Variants in CELF6 observed in about 807,000 individuals in gnomAD.
The protein encoded by CELF6 is CUGBP Elav-like family member 6.
Under a neutral mutation model 53.1 loss-of-function variants are expected in CELF6, and 32 were observed. The observed-to-expected ratio is 0.60, with a 90% CI of 0.46 to 0.81. The LOEUF is 0.81. Ranked by LOEUF, CELF6 falls within the 30% of genes least tolerant of loss-of-function variation. The pLI, the probability that CELF6 is intolerant of heterozygous loss-of-function variation, is 0.00. For missense variants in CELF6, 539 were observed against 669.5 expected, an observed-to-expected ratio of 0.81 and a Z score of 2.15; for synonymous variants, 291 against 288.8, an observed-to-expected ratio of 1.01 and a Z score of -0.08.
chr15:72,300,876 T>C (rs2141195517), intron 3 of CELF6, among the ~76,000 whole-genome samples: 1 of 152,222 alleles, frequency 6.6e-6, no homozygotes, highest in South Asian at 2.1e-4. Flanking sequence ...AATGTAATCC[T>C]GCTTTATGGC....
At chr15:72,293,426 T>C (rs548042856) in intron 3 of CELF6, among the ~76,000 whole-genome samples, 26 of 152,324 alleles carry the variant, frequency 1.7e-4, no homozygotes, top group Admixed American at 1.5e-3. Context: ...TTCAGTTTCC[T>C]CTAGATCAAA....
At chr15:72,300,464 T>A (rs984618491) in intron 3 of CELF6, among the ~76,000 whole-genome samples, 3 of 152,182 alleles carry the variant, frequency 2.0e-5, no homozygotes, top group Non-Finnish European at 4.4e-5. Flanking sequence ...AACCTCATGT[T>A]TATTGATTAA....
chr15:72,303,981 C>G (rs1396406058), intron 3 of CELF6, among the ~76,000 whole-genome samples: 1 of 152,128 alleles, frequency 6.6e-6, no homozygotes, highest in Non-Finnish European at 1.5e-5. Context: ...CCTCAGCCTC[C>G]CTGCCTCAGC....
rs1241090381 is a variant in CELF6, at chr15:72,284,777, C to G, written c.*1594G>C. On this transcript the variant is annotated 3_prime_UTR_variant, in exon 13 of 13. Coordinates refer to ENST00000287202, the MANE Select transcript of CELF6 (RefSeq NM_052840.5). ...AAACTGTTATGAAGGAGGAGCCCTC[C>G]ACCCCCACCCCCACATCTTTTACTA... The G allele has an allele frequency of 6.6e-6, 1 of 152,636 alleles. No homozygotes were observed. Among genetic ancestry groups the G allele is most frequent in the African/African-American group, 2.4e-5 (1 of 41,460 alleles). 9.5% of individuals were successfully genotyped at this position (152,636 alleles called of 1,614,324 possible). A position where few individuals can be genotyped will look rare whatever the true frequency, so the allele number is the denominator to read the frequency against.
At chr15:72,292,168 C>T (rs1402175601) in intron 3 of CELF6, 1 of 1,498,964 alleles carries the variant, frequency 6.7e-7, no homozygotes, top group Non-Finnish European at 9.0e-7. Flanking sequence ...CCTAGAGGGG[C>T]TCCAAGGAAA....
In CELF6 at chr15:72,315,937, A is replaced by T; in HGVS notation, c.263-10T>A. ...GTGAGGAAGGCACAGCCTGAGGAGG[A>T]AGAGGCTGGCTCAGGGGGTTTCCTG... On this transcript the variant is annotated splice_polypyrimidine_tract_variant and intron_variant, in intron 1 of 12. Coordinates refer to ENST00000287202, the MANE Select transcript of CELF6 (RefSeq NM_052840.5). 1 of 1,596,358 alleles carries T rather than the reference A, an allele frequency of 6.3e-7. No individual in the cohort carries two copies. Among genetic ancestry groups the T allele is most frequent in the Non-Finnish European group, 8.5e-7 (1 of 1,169,692 alleles).
Position 72,288,501 on chromosome 15 carries a change from C to T in CELF6, c.1174+37G>A. On this transcript the variant is annotated intron_variant, in intron 10 of 12. Coordinates refer to ENST00000287202, the MANE Select transcript of CELF6 (RefSeq NM_052840.5). The surrounding 1 kb of genome is among the most constrained non-coding windows in gnomAD (Gnocchi z 4.6). ...TCAGGGGAAGGACCCTGAGTCCAGC[C>T]CCACCAGGTTCTGCTGTCCAGCCCC... The T allele has an allele frequency of 1.2e-6, 2 of 1,613,488 alleles. No homozygotes were observed. Among genetic ancestry groups the T allele is most frequent in the Non-Finnish European group, 1.7e-6 (2 of 1,179,524 alleles).
intron 2 of CELF6, among the ~76,000 whole-genome samples, chr15:72,307,191 C>T (rs1251516808): frequency 6.6e-6 from 1 of 152,174 alleles, no homozygotes; most frequent in Non-Finnish European, 1.5e-5. Flanking sequence ...TGGCAGCTGC[C>T]TCCCTGGCTG....
intron 1 of CELF6, among the ~76,000 whole-genome samples, chr15:72,317,792 G>C (rs998661183): frequency 6.6e-6 from 1 of 152,110 alleles, no homozygotes; most frequent in African/African-American, 2.4e-5. Context: ...ATCACCTGAC[G>C]TCCAAACCGG....
Position 72,289,107 on chromosome 15 carries a change from CG to C in CELF6, c.1030+30del. 1.4e-6 allele frequency: 2 copies of C among 1,477,076 alleles called. No homozygotes were observed. Among genetic ancestry groups the C allele is most frequent in the Non-Finnish European group, 9.0e-7 (1 of 1,111,470 alleles). The allele number at this position is 1,477,076 out of a possible 1,614,324, so 91.5% of individuals were successfully genotyped here. A position where few individuals can be genotyped will look rare whatever the true frequency, so the allele number is the denominator to read the frequency against. ...CCACCCCCCGCTCCCCACTCCATTT[CG>C]GGGGGATTTGGGCGGAGCGGGGGGC... On this transcript the variant is annotated intron_variant, in intron 8 of 12. Transcript: ENST00000287202. The surrounding 1 kb of genome is among the most constrained non-coding windows in gnomAD (Gnocchi z 7.6).
chr15:72,303,860 T>C (rs188556426), intron 3 of CELF6, among the ~76,000 whole-genome samples: 8 of 152,204 alleles, frequency 5.3e-5, no homozygotes, highest in African/African-American at 7.2e-5. Context: ...TTTGTTTTTG[T>C]TTTTGTTTTT....
chr15:72,317,919 T>G (rs1055827006), intron 1 of CELF6, among the ~76,000 whole-genome samples: 1 of 152,044 alleles, frequency 6.6e-6, no homozygotes, highest in Non-Finnish European at 1.5e-5. Flanking sequence ...GAAGCATGGT[T>G]TGAGAGACAG....
In CELF6 at chr15:72,319,543, G is replaced by A; in HGVS notation, c.262+70C>T. ...CTGGCTCTCGGCAGGGCTAGGGCTG[G>A]GGCTGGGCTGGGGTCGGGCCACACT... On this transcript the variant is annotated intron_variant, in intron 1 of 12. Coordinates refer to ENST00000287202, the MANE Select transcript of CELF6 (RefSeq NM_052840.5). The surrounding 1 kb of genome is among the most constrained non-coding windows in gnomAD (Gnocchi z 5.0). 6.8e-7 allele frequency: 1 copy of A among 1,472,154 alleles called. No individual in the cohort carries two copies. Among genetic ancestry groups the A allele is most frequent in the African/African-American group, 1.4e-5 (1 of 71,724 alleles). The allele number at this position is 1,472,154 out of a possible 1,614,324, so 91.2% of individuals were successfully genotyped here. A position where few individuals can be genotyped will look rare whatever the true frequency, so the allele number is the denominator to read the frequency against.
At chr15:72,302,108 T>C (rs1168419777) in intron 3 of CELF6, among the ~76,000 whole-genome samples, 1 of 152,236 alleles carries the variant, frequency 6.6e-6, no homozygotes, top group Non-Finnish European at 1.5e-5. Context: ...AGAAGAGATA[T>C]ATGATAGCAC....
intron 3 of CELF6, among the ~76,000 whole-genome samples, chr15:72,296,889 G>A (rs1274746192): frequency 6.6e-6 from 1 of 152,156 alleles, no homozygotes; most frequent in African/African-American, 2.4e-5. Flanking sequence ...AAGCAGTATG[G>A]CAGTTCTTCA....
rs558985598 is a variant in CELF6, at chr15:72,320,075, G to A, written c.-201C>T. The stretch of plus-strand genomic sequence containing the variant: ...GAAAGGGGCGGGGCCGGGGCGGGGC[G>A]GGCCCGGGCCGAGGTGGCGGCTGAA... On this transcript the variant is annotated 5_prime_UTR_variant, in exon 1 of 13. Coordinates refer to ENST00000287202, the MANE Select transcript of CELF6 (RefSeq NM_052840.5). 7,466 of 642,408 alleles carry A rather than the reference G, an allele frequency of 0.012. 99 individuals are homozygous for A. Among genetic ancestry groups the A allele is most frequent in the Non-Finnish European group, 0.016 (5,533 of 349,722 alleles). The allele number at this position is 642,408 out of a possible 1,614,324, so 39.8% of individuals were successfully genotyped here.
chr15:72,295,217 C>T (rs2088061974), intron 3 of CELF6, among the ~76,000 whole-genome samples: 1 of 151,608 alleles, frequency 6.6e-6, no homozygotes, highest in African/African-American at 2.4e-5. Flanking sequence ...CACCTGTAAT[C>T]CCAGCTACTT....
Position 72,289,430 on chromosome 15 carries a change from C to T in CELF6, c.825G>A (p.Gln275=). 1 of 1,548,614 alleles carries T rather than the reference C, an allele frequency of 6.5e-7. No individual in the cohort carries two copies. Residue 275 remains glutamine, a synonymous_variant, in exon 7 of 13, where the codon CAG becomes CAA. Coordinates refer to ENST00000287202, the MANE Select transcript of CELF6 (RefSeq NM_052840.5). This position sits in a 1 kb window ranked among gnomAD's most constrained non-coding sequence, Gnocchi z 7.6. Reference sequence around the variant, plus strand: ...GGCTAAAGGCCGCCACGTGTTGCATCTGGGCCGCCACTGCCGCCACCGGGC... The same window carrying T: ...GGCTAAAGGCCGCCACGTGTTGCATTTGGGCCGCCACTGCCGCCACCGGGC... The part of the protein sequence containing the change: ...GLGPVAAVAA[Q]MQHVAAFSLV...
Position 72,288,685 on chromosome 15 carries a change from C to G in CELF6, c.1094-67G>C. 1.3e-6 allele frequency: 2 copies of G among 1,487,468 alleles called. No homozygotes were observed. Among genetic ancestry groups the G allele is most frequent in the Non-Finnish European group, 1.8e-6 (2 of 1,090,700 alleles). 92.1% of individuals were successfully genotyped at this position (1,487,468 alleles called of 1,614,324 possible). A position where few individuals can be genotyped will look rare whatever the true frequency, so the allele number is the denominator to read the frequency against. On this transcript the variant is annotated intron_variant, in intron 9 of 12. Transcript: ENST00000287202. The surrounding 1 kb of genome is among the most constrained non-coding windows in gnomAD (Gnocchi z 4.6). Reference sequence around the variant, plus strand: ...CTTCCCCAAGCAGGGCCCCAACTGCCTGGCCGCTTTTGACCAATTCAGCCC... The same window carrying G: ...CTTCCCCAAGCAGGGCCCCAACTGCGTGGCCGCTTTTGACCAATTCAGCCC...
Sources: allele counts gnomAD v4.1 joint callset (sites outside exome capture counted in the v4.1 genomes callset), GRCh38; gene constraint gnomAD v4.1.1; non-coding constraint Gnocchi (gnomAD v3.1); transcripts MANE v1.5; gene names NCBI Gene and HGNC (gene_info 2026-07-23, HGNC 2026-07-21).